Variants in RPL7 observed in about 807,000 individuals in gnomAD.
RPL7 encodes ribosomal protein L7.
For synonymous variants in RPL7, 100 were observed against 102.2 expected, an observed-to-expected ratio of 0.98 and a Z score of 0.13; for missense variants, 205 against 301.9, an observed-to-expected ratio of 0.68 and a Z score of 2.38.
At chr8:73,294,051 C>T (rs1814187006), upstream of RPL7, 1 of 162,770 alleles carries the variant, frequency 6.1e-6, no homozygotes, top group South Asian at 1.3e-4. Context: ...GGCGACGGTT[C>T]CAGCCAGGAA....
intron 1 of RPL7, 72 bp downstream of exon 1, chr8:73,293,527 G>A (rs762345823): frequency 5.7e-6 from 9 of 1,588,090 alleles, no homozygotes; most frequent in Non-Finnish European, 7.8e-6. Context: ...GCCAGAGAGA[G>A]AAAAAGTGAC....
chr8:73,292,202 T>TC (rs571063404), intron 3 of RPL7, 37 bp downstream of exon 3: 282 of 1,546,262 alleles, frequency 1.8e-4, no homozygotes, highest in East Asian at 1.5e-3. Flanking sequence ...TTTTTTTTTT[T>TC]CCCATTCAAA....
chr8:73,291,014 T>A, intron 6 of RPL7, 29 bp downstream of exon 6: 2 of 1,539,780 alleles, frequency 1.3e-6, no homozygotes, highest in Non-Finnish European at 1.8e-6. Context: ...TAACATTAAC[T>A]CAACCTTTCT....
chr8:73,292,110 A>T (rs1055643663), intron 3 of RPL7, 129 bp downstream of exon 3: 1 of 1,106,546 alleles, frequency 9.0e-7, no homozygotes, highest in Non-Finnish European at 1.3e-6. Flanking sequence ...AGTGATCAGC[A>T]CCCTCCTTGT....
At chr8:73,293,531 A>G (rs2130345353) in intron 1 of RPL7, 68 bp downstream of exon 1, 1 of 1,594,460 alleles carries the variant, frequency 6.3e-7, no homozygotes, top group East Asian at 2.2e-5. Context: ...GAGAGAGAAA[A>G]AGTGACACAA....
chr8:73,291,141 C>T lies in RPL7; in HGVS notation c.650G>A (p.Arg217Gln), dbSNP rs773722193. 3 of 1,605,282 alleles carry T rather than the reference C, an allele frequency of 1.9e-6. No homozygotes were observed. Among genetic ancestry groups the T allele is most frequent in the South Asian group, 2.2e-5 (2 of 90,864 alleles). The part of the protein sequence containing the change: ...FLWPFKLSSP[R>Q]GGMKKKTTHF... ...GGTGGTCTTTTTCTTCATTCCACCT[C>T]GTGGAGAAGACAATTTGAAGGGCCA... is the stretch of plus-strand genomic sequence containing the variant. Residue 217 changes from arginine (R) to glutamine (Q), a missense_variant, in exon 6 of 7, where the codon CGA becomes CAA. Transcript: ENST00000352983.
chr8:73,293,668 T>A, upstream of RPL7: 1 of 1,608,006 alleles, frequency 6.2e-7, no homozygotes, highest in South Asian at 1.1e-5. Context: ...CTTAAAGACT[T>A]CGCGAGAGAA....
upstream of RPL7, chr8:73,293,666 C>G (rs1310845280): frequency 9.3e-6 from 15 of 1,608,774 alleles, no homozygotes; most frequent in Non-Finnish European, 9.3e-6. Context: ...CACTTAAAGA[C>G]TTCGCGAGAG....
At chr8:73,293,034 C>T (rs1220711342) in intron 1 of RPL7, 6 of 388,212 alleles carry the variant, frequency 1.5e-5, no homozygotes, top group Non-Finnish European at 2.7e-5. Context: ...TACGTTTTTC[C>T]CTATTTCAAC....
upstream of RPL7, chr8:73,294,273 G>C (rs997663907): frequency 6.5e-6 from 1 of 152,840 alleles, no homozygotes; most frequent in African/African-American, 2.4e-5. Context: ...ACGAAAAGTG[G>C]CTAGCCAGGG....
At chr8:73,293,634 A>T, upstream of RPL7, 1 of 1,613,592 alleles carries the variant, frequency 6.2e-7, no homozygotes, top group Non-Finnish European at 8.5e-7. Context: ...GAAAAAGAGG[A>T]AGTTGGCGCA....
At chr8:73,293,922 C>T (rs551490706), upstream of RPL7, 4 of 359,392 alleles carry the variant, frequency 1.1e-5, no homozygotes, top group Non-Finnish European at 1.6e-5. Flanking sequence ...GGCTCCGTTC[C>T]TCCCCATAAT....
At chr8:73,292,176 AG>A (rs1173711883) in intron 3 of RPL7, 62 bp downstream of exon 3, 1 of 1,439,482 alleles carries the variant, frequency 6.9e-7, no homozygotes, top group Admixed American at 2.0e-5. Flanking sequence ...GGCTCCCAGA[AG>A]TAATGTGAAG....
chr8:73,291,365 G>A (rs569246552), intron 5 of RPL7, 113 bp from the exon 6 acceptor site: 5 of 904,636 alleles, frequency 5.5e-6, no homozygotes, highest in East Asian at 5.3e-5. Context: ...GAATAAACAA[G>A]GTAAATGCAT....
Position 73,293,243 on chromosome 8 carries a change from C to A in RPL7, c.14+356G>T, listed in dbSNP as rs185984543. ...TCAATCAGGATCCACATGTTGAAAG[C>A]AAAGGCCTGGCGGCAGGGAGGCCTG... is the stretch of plus-strand genomic sequence containing the variant. On this transcript the variant is annotated intron_variant, in intron 1 of 6. Coordinates refer to ENST00000352983, the MANE Select transcript of RPL7 (RefSeq NM_000971.4). The A allele has an allele frequency of 6.3e-3, 1,686 of 267,126 alleles. 6 individuals are homozygous for A. The highest frequency in any genetic ancestry group is 7.7e-3 in the Non-Finnish European group (1,080 of 140,264). The allele number at this position is 267,126 out of a possible 1,614,324, so 16.5% of individuals were successfully genotyped here.
At position 73,292,805 on chromosome 8, in the gene RPL7, T is replaced by C; in HGVS notation, c.15-8A>G. The C allele has an allele frequency of 6.3e-7, 1 of 1,594,756 alleles. No individual in the cohort carries two copies. Among genetic ancestry groups the C allele is most frequent in the Non-Finnish European group, 8.6e-7 (1 of 1,168,210 alleles). On this transcript the variant is annotated splice_polypyrimidine_tract_variant and splice_region_variant and intron_variant, in intron 1 of 6. Transcript: ENST00000352983. ...ACCTCCTTCTTCTTCTCTCTAACGT[T>C]AATAAACAAAAATGTTATCAATAGC...
Position 73,291,538 on chromosome 8 carries a change from C to T in RPL7, c.538+14G>A. Reference sequence around the variant, plus strand: ...CATGGTCTAATACCAAATTTTCCCCCAAATAGAACCTACCAAGAGATCGAG... The same window carrying T: ...CATGGTCTAATACCAAATTTTCCCCTAAATAGAACCTACCAAGAGATCGAG... On this transcript the variant is annotated intron_variant, in intron 5 of 6. Coordinates refer to ENST00000352983, the MANE Select transcript of RPL7 (RefSeq NM_000971.4). The T allele has an allele frequency of 6.3e-7, 1 of 1,577,520 alleles. No homozygotes were observed. Among genetic ancestry groups the T allele is most frequent in the Admixed American group, 1.7e-5 (1 of 58,050 alleles).
At chr8:73,292,868 G>T in intron 1 of RPL7, 71 bp from the exon 2 acceptor site, 1 of 1,126,108 alleles carries the variant, frequency 8.9e-7, no homozygotes. Context: ...CCCGTACTGA[G>T]CAGTGTTGTT....
upstream of RPL7, chr8:73,293,931 A>C: frequency 1.2e-5 from 4 of 329,844 alleles, no homozygotes; most frequent in Admixed American, 4.3e-5. Context: ...CCTCCCCATA[A>C]TGTTCCCAGG....
Sources: allele counts gnomAD v4.1 joint callset, GRCh38; gene constraint gnomAD v4.1.1; transcripts MANE v1.5; gene names NCBI Gene and HGNC (gene_info 2026-07-23, HGNC 2026-07-21).